The following SMYD3 variants were observed in gnomAD, a reference collection of about 807,000 sequenced individuals.
The protein encoded by SMYD3 is SET and MYND domain containing 3, also known as histone-lysine N-methyltransferase SMYD3.
A neutral mutation model predicts 57.7 loss-of-function variants in SMYD3; 36 were observed. That is an observed-to-expected ratio of 0.62 (90% CI 0.48 to 0.82). SMYD3 has a LOEUF of 0.82. SMYD3 is among the 40% of genes least tolerant of loss of function. The pLI is 0.00. For synonymous variants in SMYD3, 211 were observed against 195.0 expected (o/e 1.08, Z -0.68); for missense variants, 515 against 538.8 (o/e 0.96, Z 0.44).
chr1:246,251,502 G>C (rs78075652), intron 5 of SMYD3, among the ~76,000 whole-genome samples: 1 of 127,544 alleles, frequency 7.8e-6, no homozygotes, highest in Non-Finnish European at 1.6e-5. Context: ...GGCTTTAGTA[G>C]GTGCCGCGGA....
intron 5 of SMYD3, among the ~76,000 whole-genome samples, chr1:246,256,392 T>G (rs1190557874): frequency 6.6e-6 from 1 of 152,174 alleles, no homozygotes; most frequent in Non-Finnish European, 1.5e-5. Flanking sequence ...TCCAATCAAG[T>G]TCACACTTAG....
chr1:246,470,729 TC>T (rs1451258001), intron 1 of SMYD3, among the ~76,000 whole-genome samples: 13 of 150,924 alleles, frequency 8.6e-5, no homozygotes, highest in Admixed American at 4.0e-4. Flanking sequence ...ACAAAAAAAA[TC>T]CTACACTGGA....
chr1:246,132,903 A>G (rs2061608597), intron 5 of SMYD3, among the ~76,000 whole-genome samples: 1 of 152,160 alleles, frequency 6.6e-6, no homozygotes, highest in Non-Finnish European at 1.5e-5. Flanking sequence ...ATTAGTCATT[A>G]GGGAAATGCA....
intron 1 of SMYD3, among the ~76,000 whole-genome samples, chr1:246,383,215 A>G (rs1238266680): frequency 6.6e-6 from 1 of 152,274 alleles, no homozygotes; most frequent in African/African-American, 2.4e-5. Flanking sequence ...CACCAAAGGA[A>G]TCATCAACTT....
intron 5 of SMYD3, among the ~76,000 whole-genome samples, chr1:246,170,657 A>G (rs1440155951): frequency 1.3e-5 from 2 of 152,178 alleles, no homozygotes; most frequent in Non-Finnish European, 2.9e-5. Context: ...AGATTTGGGC[A>G]TTAACATTTC....
intron 5 of SMYD3, among the ~76,000 whole-genome samples, chr1:246,242,897 C>T (rs2063638468): frequency 6.6e-6 from 1 of 152,126 alleles, no homozygotes; most frequent in African/African-American, 2.4e-5. Flanking sequence ...ACAAGAAGAG[C>T]TAACTATCCT....
At chr1:246,007,699 C>A (rs1264220039) in intron 5 of SMYD3, among the ~76,000 whole-genome samples, 2 of 151,804 alleles carry the variant, frequency 1.3e-5, no homozygotes, top group Non-Finnish European at 2.9e-5. Context: ...TGCCTGTAGT[C>A]CCAACTACTC....
chr1:246,192,550 C>T (rs549301574), intron 5 of SMYD3, among the ~76,000 whole-genome samples: 1 of 152,238 alleles, frequency 6.6e-6, no homozygotes, highest in Admixed American at 6.5e-5. Context: ...GCCACTGTGC[C>T]TAACCTATGT....
At chr1:245,931,347 G>A (rs2056704921) in intron 5 of SMYD3, among the ~76,000 whole-genome samples, 1 of 152,198 alleles carries the variant, frequency 6.6e-6, no homozygotes, top group South Asian at 2.1e-4. Flanking sequence ...CAGCCAACAG[G>A]CCTTACTTAC....
chr1:245,991,299 G>A (rs1431694491), intron 5 of SMYD3, among the ~76,000 whole-genome samples: 3 of 152,190 alleles, frequency 2.0e-5, no homozygotes, highest in African/African-American at 7.2e-5. Context: ...TTCATTAATG[G>A]TAAAATAGGA....
intron 2 of SMYD3, among the ~76,000 whole-genome samples, chr1:246,339,630 A>G (rs527912118): frequency 2.0e-5 from 3 of 152,302 alleles, no homozygotes; most frequent in Non-Finnish European, 4.4e-5. Context: ...GACACTACCC[A>G]TGAGACAGAA....
chr1:246,204,633 T>A (rs60854556), intron 5 of SMYD3, among the ~76,000 whole-genome samples: 2,171 of 152,314 alleles, frequency 0.014, 48 homozygotes, highest in African/African-American at 0.049. Context: ...ACATATATAC[T>A]CTTACATGGC....
intron 5 of SMYD3, among the ~76,000 whole-genome samples, chr1:246,211,833 G>A (rs1193536555): frequency 6.6e-6 from 1 of 151,512 alleles, no homozygotes; most frequent in Non-Finnish European, 1.5e-5. Flanking sequence ...TATTTTTCAT[G>A]TTTATTGAAT....
chr1:246,007,390 A>G (rs2059193578), intron 5 of SMYD3, among the ~76,000 whole-genome samples: 2 of 152,176 alleles, frequency 1.3e-5, no homozygotes, highest in South Asian at 4.1e-4. Flanking sequence ...TCAATGATCT[A>G]CTTGCAGAGA....
chr1:246,443,010 A>C (rs184123486), intron 1 of SMYD3, among the ~76,000 whole-genome samples: 1 of 152,238 alleles, frequency 6.6e-6, no homozygotes, highest in Non-Finnish European at 1.5e-5. Flanking sequence ...ACTGTATTTA[A>C]ATTCTTCTTA....
At chr1:246,338,934 C>A (rs995620560) in intron 2 of SMYD3, among the ~76,000 whole-genome samples, 1 of 152,132 alleles carries the variant, frequency 6.6e-6, no homozygotes, top group Admixed American at 6.6e-5. Context: ...CATTCTGTGT[C>A]GGACAGTTCT....
At position 246,443,251 on chromosome 1, in the gene SMYD3, G is replaced by T. The variant is rs180782668; in HGVS notation, c.164+63803C>A. Among the ~76,000 whole-genome samples the T allele has an allele frequency of 5.0e-3, 756 of 152,230 alleles. 10 individuals are homozygous for T. Among genetic ancestry groups the T allele is most frequent in the Non-Finnish European group, 7.3e-3 (495 of 68,036 alleles). ...AACCCTATTTAATATCTTTCAGTTT[G>T]ATCCTCAAACTGTACATTTCTCCAT... On this transcript the variant is annotated intron_variant, in intron 1 of 11. Coordinates refer to ENST00000490107, the MANE Select transcript of SMYD3 (RefSeq NM_001167740.2).
At chr1:245,987,112 A>T (rs1202498864) in intron 5 of SMYD3, among the ~76,000 whole-genome samples, 1 of 152,208 alleles carries the variant, frequency 6.6e-6, no homozygotes, top group East Asian at 1.9e-4. Flanking sequence ...TTTATGATGA[A>T]ACCAACTCAT....
At chr1:246,235,958 A>C (rs1305682011) in intron 5 of SMYD3, among the ~76,000 whole-genome samples, 1 of 152,200 alleles carries the variant, frequency 6.6e-6, no homozygotes, top group Non-Finnish European at 1.5e-5. Flanking sequence ...AACAAGATAT[A>C]AAACATTTCC....
Sources: allele counts gnomAD v4.1 joint callset (sites outside exome capture counted in the v4.1 genomes callset), GRCh38; gene constraint gnomAD v4.1.1; transcripts MANE v1.5; gene names NCBI Gene and HGNC (gene_info 2026-07-23, HGNC 2026-07-21).